RABEP1: variants seen among roughly 807,000 people sequenced by gnomAD.
RABEP1 encodes the protein rabaptin, RAB GTPase binding effector protein 1, also known as rab GTPase-binding effector protein 1.
A neutral mutation model predicts 123.4 loss-of-function variants in RABEP1; 51 were observed. The observed-to-expected ratio is 0.41, with a 90% confidence interval of 0.33 to 0.52. The LOEUF is 0.52. Among genes scored for constraint, RABEP1 ranks in the 20% least tolerant of loss-of-function variants. The pLI, the probability that RABEP1 is intolerant of heterozygous loss-of-function variation, is 0.16. For missense variants in RABEP1, 888 were observed against 996.3 expected (o/e 0.89, Z 1.46); for synonymous variants, 347 against 355.2 (o/e 0.98, Z 0.26).
In RABEP1 at chr17:5,384,381, TGA is replaced by T. The variant is rs1350867896; in HGVS notation, c.*1162_*1163del. ...TTGATTCATGTTCATCAATACCTGC[TGA>T]GAGTACTGTCCCAGGAATATCCAGT... On this transcript the variant is annotated 3_prime_UTR_variant, in exon 18 of 18. Coordinates refer to ENST00000537505, the MANE Select transcript of RABEP1 (RefSeq NM_004703.6). The T allele has an allele frequency of 1.9e-5, 4 of 212,496 alleles. No individual in the cohort carries two copies. Among genetic ancestry groups the T allele is most frequent in the Admixed American group, 5.9e-5 (1 of 17,056 alleles). The allele number at this position is 212,496 out of a possible 1,614,324, so 13.2% of individuals were successfully genotyped here.
In RABEP1 at chr17:5,346,797, A is replaced by T. The variant is rs1908102700; in HGVS notation, c.656A>T (p.Glu219Val). 1 of 1,570,262 alleles carries T rather than the reference A, an allele frequency of 6.4e-7. No homozygotes were observed. The highest frequency in any genetic ancestry group is 1.8e-5 in the Admixed American group (1 of 56,130). The change falls in exon 6 of 18, where the codon GAA becomes GTA. Residue 219 changes from glutamate (E) to valine (V), a missense_variant. By Grantham distance (121) the Glu-to-Val change is moderately radical. Transcript: ENST00000537505. ...AATTGCATCTTCTTTCAGGTTAAAG[A>T]ACTGAATCATTATCTGGAAGCTGAG... ...IKELEASKVK[E>V]LNHYLEAEKS... is the part of the protein sequence containing the mutation.
chr17:5,318,085 A>C (rs573205054), intron 2 of RABEP1, among the ~76,000 whole-genome samples: 42 of 152,322 alleles, frequency 2.8e-4, no homozygotes, highest in Non-Finnish European at 5.7e-4. Context: ...GGTAAATGCA[A>C]ATAAATGTTT....
intron 2 of RABEP1, among the ~76,000 whole-genome samples, chr17:5,318,920 C>T (rs1408253443): frequency 6.6e-6 from 1 of 152,190 alleles, no homozygotes; most frequent in Admixed American, 6.5e-5. Flanking sequence ...CAATGTGTAA[C>T]TTACCATATT....
At chr17:5,353,929 GAACCATA>G (rs1179885101) in intron 7 of RABEP1, among the ~76,000 whole-genome samples, 6 of 152,198 alleles carry the variant, frequency 3.9e-5, no homozygotes, top group African/African-American at 1.4e-4. Context: ...AGGCTGCAGT[GAACCATA>G]TTTGCACCAC....
intron 1 of RABEP1, among the ~76,000 whole-genome samples, chr17:5,296,837 C>T (rs952671459): frequency 8.5e-5 from 13 of 152,096 alleles, no homozygotes; most frequent in African/African-American, 2.4e-4. Flanking sequence ...GCCTTGACCC[C>T]GTGGGGTCAG....
intron 1 of RABEP1, among the ~76,000 whole-genome samples, chr17:5,294,193 C>T (rs550633941): frequency 6.6e-6 from 1 of 152,144 alleles, no homozygotes; most frequent in African/African-American, 2.4e-5. Flanking sequence ...GTCAGGAGTT[C>T]GAGACCAGTC....
At chr17:5,327,386 A>G (rs1467869630) in intron 2 of RABEP1, among the ~76,000 whole-genome samples, 3 of 152,104 alleles carry the variant, frequency 2.0e-5, no homozygotes, top group Non-Finnish European at 4.4e-5. Context: ...ACAAAACCCA[A>G]AAAGCAACAT....
intron 13 of RABEP1, among the ~76,000 whole-genome samples, chr17:5,375,340 C>CGT (rs1193382578): frequency 1.3e-5 from 2 of 152,134 alleles, no homozygotes; most frequent in Non-Finnish European, 2.9e-5. Context: ...GCTCATGTTA[C>CGT]AGGCACTCTT....
intron 15 of RABEP1, chr17:5,378,476 A>G (rs1911182755): frequency 1.7e-6 from 1 of 584,704 alleles, no homozygotes; most frequent in African/African-American, 1.9e-5. Context: ...TGGAGTTTCC[A>G]GTGTAGTGAG....
At chr17:5,377,665 T>C (rs559709426) in intron 14 of RABEP1, among the ~76,000 whole-genome samples, 163 of 152,104 alleles carry the variant, frequency 1.1e-3, no homozygotes, top group African/African-American at 3.5e-3. Context: ...TAGCTGGGAT[T>C]ACAGGCATGT....
Position 5,338,001 on chromosome 17 carries a change from A to T in RABEP1, c.529-18A>T, listed in dbSNP as rs1357816226. The T allele has an allele frequency of 6.3e-7, 1 of 1,594,360 alleles. No homozygotes were observed. Among genetic ancestry groups the T allele is most frequent in the East Asian group, 2.2e-5 (1 of 44,694 alleles). On this transcript the variant is annotated intron_variant, in intron 4 of 17. Coordinates refer to ENST00000537505, the MANE Select transcript of RABEP1 (RefSeq NM_004703.6). ...AGTAAATGAATAAGTCGTAGCATTT[A>T]ATTCTTTTTAACCATAGGCCCAAGA...
At chr17:5,327,551 G>A (rs1597359033) in intron 2 of RABEP1, among the ~76,000 whole-genome samples, 2 of 152,222 alleles carry the variant, frequency 1.3e-5, no homozygotes, top group Middle Eastern at 6.8e-3. Context: ...ATGTGACTAT[G>A]TGTCTGAGAT....
At chr17:5,326,942 C>T (rs1306303871) in intron 2 of RABEP1, among the ~76,000 whole-genome samples, 24 of 152,186 alleles carry the variant, frequency 1.6e-4, no homozygotes, top group Admixed American at 1.5e-3. Flanking sequence ...TAGCCTACTA[C>T]ACATGTAGGC....
intron 5 of RABEP1, among the ~76,000 whole-genome samples, chr17:5,345,731 CTT>C (rs1908012774): frequency 6.6e-6 from 1 of 152,046 alleles, no homozygotes; most frequent in Non-Finnish European, 1.5e-5. Context: ...TCATTTAAGT[CTT>C]TGACTATTAT....
At chr17:5,340,745 G>A (rs151283194) in intron 5 of RABEP1, among the ~76,000 whole-genome samples, 4,785 of 150,850 alleles carry the variant, frequency 0.032, 80 homozygotes, top group Middle Eastern at 0.076. Context: ...TCAGGAGTTC[G>A]AGACCAGCCT....
chr17:5,361,179 A>G, intron 8 of RABEP1, 29 bp from the exon 9 acceptor site: 1 of 1,579,640 alleles, frequency 6.3e-7, no homozygotes, highest in Non-Finnish European at 8.6e-7. Flanking sequence ...GAATTGTCTA[A>G]CTTGGCCATA....
intron 14 of RABEP1, among the ~76,000 whole-genome samples, chr17:5,377,514 T>A (rs1034720022): frequency 7.9e-6 from 1 of 127,238 alleles, no homozygotes; most frequent in Non-Finnish European, 1.6e-5. Flanking sequence ...TCTGGTTATT[T>A]AAAAAATTTT....
chr17:5,283,339 A>G (rs537582480), intron 1 of RABEP1, among the ~76,000 whole-genome samples: 7 of 152,082 alleles, frequency 4.6e-5, no homozygotes, highest in South Asian at 2.1e-4. Context: ...GAAATGTGTC[A>G]TTTATATTCT....
chr17:5,329,768 T>C (rs931439294), intron 2 of RABEP1, among the ~76,000 whole-genome samples: 1 of 150,618 alleles, frequency 6.6e-6, no homozygotes, highest in African/African-American at 2.4e-5. Context: ...AATTTCTGTC[T>C]CCTGTTTTTT....
Sources: gnomAD v4.1 joint callset for allele counts (sites outside exome capture counted in the v4.1 genomes callset) on GRCh38, gnomAD v4.1.1 for gene constraint, MANE v1.5 for transcripts, NCBI Gene and HGNC (gene_info 2026-07-23, HGNC 2026-07-21) for gene names.